SLC4A4: variants seen among roughly 807,000 people sequenced by gnomAD.
SLC4A4 encodes electrogenic sodium bicarbonate cotransporter 1.
In SLC4A4, 27 loss-of-function variants were observed where a neutral mutation model predicts 111.5. The observed-to-expected ratio is 0.24, with a 90% CI of 0.18 to 0.33. The LOEUF is 0.33. Among genes scored for constraint, SLC4A4 ranks in the 10% least tolerant of loss-of-function variants. The pLI is 1.00. For missense variants in SLC4A4, 909 were observed against 1,315.5 expected (o/e 0.69, Z 4.78); for synonymous variants, 443 against 463.4 (o/e 0.96, Z 0.57).
intron 1 of SLC4A4, among the ~76,000 whole-genome samples, chr4:71,083,704 G>A (rs1188176809): frequency 6.6e-6 from 1 of 151,804 alleles, no homozygotes; most frequent in African/African-American, 2.4e-5. Context: ...GGGCTCTGGG[G>A]TAAGACAATC....
chr4:71,103,824 G>T (rs1345726867), intron 2 of SLC4A4, among the ~76,000 whole-genome samples: 24 of 150,704 alleles, frequency 1.6e-4, no homozygotes, highest in Middle Eastern at 3.4e-3. Flanking sequence ...AAGCAGGAAA[G>T]ATCCAAAATT....
intron 6 of SLC4A4, among the ~76,000 whole-genome samples, chr4:71,366,043 A>G (rs1334072300): frequency 1.3e-5 from 2 of 152,120 alleles, no homozygotes; most frequent in African/African-American, 4.8e-5. Flanking sequence ...AAGCAGGAAA[A>G]CACACCAAAC....
chr4:71,370,296 T>A (rs934481208), intron 6 of SLC4A4, among the ~76,000 whole-genome samples: 1 of 152,196 alleles, frequency 6.6e-6, no homozygotes, highest in Non-Finnish European at 1.5e-5. Flanking sequence ...GGTGATGCCT[T>A]ACTGAAGTTA....
intron 3 of SLC4A4, among the ~76,000 whole-genome samples, chr4:71,260,798 GT>G (rs548121865): frequency 9.8e-4 from 149 of 152,164 alleles, no homozygotes; most frequent in Non-Finnish European, 1.7e-3. Context: ...TTGTGCTCTA[GT>G]TTCCTCATAT....
chr4:71,522,591 T>C (rs1480014198), intron 16 of SLC4A4, among the ~76,000 whole-genome samples: 2 of 152,190 alleles, frequency 1.3e-5, no homozygotes, highest in East Asian at 3.8e-4. Context: ...TACTTTGATA[T>C]AGTCACATTC....
At chr4:71,547,594 G>T in intron 19 of SLC4A4, 54 bp from the exon 20 acceptor site, 1 of 1,409,730 alleles carries the variant, frequency 7.1e-7, no homozygotes, top group South Asian at 1.1e-5. Flanking sequence ...GAAAAGACAA[G>T]AGCATGTTTA....
chr4:71,315,631 AT>A (rs1726619907), intron 3 of SLC4A4, among the ~76,000 whole-genome samples: 1 of 152,098 alleles, frequency 6.6e-6, no homozygotes. Flanking sequence ...TTATTTGGGT[AT>A]TTGGAAAGAG....
At chr4:71,365,399 C>T (rs140763871) in intron 6 of SLC4A4, among the ~76,000 whole-genome samples, 19 of 152,150 alleles carry the variant, frequency 1.2e-4, no homozygotes, top group African/African-American at 2.9e-4. Context: ...TGGGAGCAAT[C>T]GAAGTGTAGG....
chr4:71,561,524 A>G (rs933897645), intron 23 of SLC4A4, among the ~76,000 whole-genome samples: 2 of 151,816 alleles, frequency 1.3e-5, no homozygotes, highest in African/African-American at 4.8e-5. Flanking sequence ...AAAGAAGGCA[A>G]GAGACAGAAT....
chr4:71,124,904 G>A (rs1743521964), intron 2 of SLC4A4, among the ~76,000 whole-genome samples: 1 of 152,084 alleles, frequency 6.6e-6, no homozygotes, highest in South Asian at 2.1e-4. Flanking sequence ...TAACTAAAAG[G>A]GAAGAAAAGT....
chr4:71,232,881 A>G (rs1357932231), intron 1 of SLC4A4, among the ~76,000 whole-genome samples: 5 of 152,214 alleles, frequency 3.3e-5, no homozygotes, highest in South Asian at 2.1e-4. Flanking sequence ...GTTGGACTCT[A>G]TAGGTTGGAA....
intron 2 of SLC4A4, among the ~76,000 whole-genome samples, chr4:71,099,295 A>C (rs1742649006): frequency 6.6e-6 from 1 of 152,196 alleles, no homozygotes; most frequent in South Asian, 2.1e-4. Context: ...AAGACTAAAA[A>C]CATGCTGAAA....
chr4:71,421,107 C>A (rs1162793843), intron 7 of SLC4A4, among the ~76,000 whole-genome samples: 5 of 150,176 alleles, frequency 3.3e-5, no homozygotes, highest in Non-Finnish European at 5.9e-5. Flanking sequence ...CGTGCAGAGA[C>A]ACACATAGGC....
At chr4:71,277,646 C>T (rs975276271) in intron 3 of SLC4A4, among the ~76,000 whole-genome samples, 1 of 148,230 alleles carries the variant, frequency 6.7e-6, no homozygotes, top group Non-Finnish European at 1.5e-5. Context: ...TCATTCACTT[C>T]TCTCTCCTTC....
intron 18 of SLC4A4, among the ~76,000 whole-genome samples, chr4:71,536,466 A>ATATATATATG (rs1553928572): frequency 1.9e-5 from 1 of 52,366 alleles, no homozygotes; most frequent in African/African-American, 7.9e-5. Context: ...ACATATATAC[A>ATATATATATG]TATATATATA....
In SLC4A4 at chr4:71,453,512, T is replaced by C. The variant is rs1297757215; in HGVS notation, c.1340T>C (p.Ile447Thr). 2 of 1,613,936 alleles carry C rather than the reference T, an allele frequency of 1.2e-6. No homozygotes were observed. The highest frequency in any genetic ancestry group is 1.1e-5 in the South Asian group (1 of 91,074). ...CTGCCCAGGTTCTGTGGTGGACTAA[T>C]TAAAGACATAAAGAGGAAAGCGCCA... ...QRTGRFCGGL[I>T]KDIKRKAPFF... is the part of the protein sequence containing the mutation. The change falls in exon 12 of 26, where the codon ATT becomes ACT. Residue 447 changes from isoleucine (I) to threonine (T), a missense_variant. Physicochemically the swap from Ile to Thr is moderately conservative, Grantham distance 89. Around this residue, in one of 7 missense-constraint regions of SLC4A4, gnomAD observed 312 missense variants for 402.0 expected, o/e 0.78. Transcript: ENST00000264485.
At chr4:71,090,260 G>A (rs1182206095) in intron 1 of SLC4A4, among the ~76,000 whole-genome samples, 1 of 152,180 alleles carries the variant, frequency 6.6e-6, no homozygotes, top group Non-Finnish European at 1.5e-5. Flanking sequence ...CAGTATTAGG[G>A]TGGGAGTGAC....
chr4:71,442,070 G>C (rs1326994801), intron 8 of SLC4A4, among the ~76,000 whole-genome samples: 2 of 151,952 alleles, frequency 1.3e-5, no homozygotes, highest in Non-Finnish European at 2.9e-5. Context: ...ACTTTACTAG[G>C]GGTTGAAAGA....
In SLC4A4 at chr4:71,344,140, A is replaced by AAAT. The variant is rs140994216; in HGVS notation, c.389+4636_389+4638dup. ...TAGAATTAAAGCTCTGTGAGGGCAG[A>AAAT]AATTTTCAGTTGTTTTGCCACTGTA... On this transcript the variant is annotated intron_variant, in intron 4 of 25. Coordinates refer to ENST00000264485, the MANE Select transcript of SLC4A4 (RefSeq NM_001098484.3). Among the ~76,000 whole-genome samples, 1,197 of 152,252 alleles carry AAAT rather than the reference A, an allele frequency of 7.9e-3. 15 individuals carry two copies. The highest frequency in any genetic ancestry group is 0.026 in the African/African-American group (1,060 of 41,550).
Sources: allele counts gnomAD v4.1 joint callset (sites outside exome capture counted in the v4.1 genomes callset), GRCh38; gene constraint gnomAD v4.1.1; regional missense constraint gnomAD v4.1.1; transcripts MANE v1.5; gene names NCBI Gene and HGNC (gene_info 2026-07-23, HGNC 2026-07-21).